The following NKAIN3 variants were observed in gnomAD, a reference collection of about 807,000 sequenced individuals.
The protein encoded by NKAIN3 is sodium/potassium transporting ATPase interacting 3, also known as sodium/potassium-transporting ATPase subunit beta-1-interacting protein 3.
NKAIN3 carries 25 observed loss-of-function variants against 30.2 expected under a neutral mutation model. That is an observed-to-expected ratio of 0.83 (90% confidence interval 0.60 to 1.16). The LOEUF is 1.16. NKAIN3 is among the 50% of genes most tolerant of loss of function. The probability of loss-of-function intolerance (pLI) is 0.00; values close to 1 mark genes in which losing one functional copy is unlikely to be tolerated. For missense variants in NKAIN3, 225 were observed against 254.1 expected, an observed-to-expected ratio of 0.89 and a Z score of 0.78; for synonymous variants, 91 against 89.6, an observed-to-expected ratio of 1.02 and a Z score of -0.09.
chr8:62,925,147 A>C (rs796804757), intron 5 of NKAIN3, among the ~76,000 whole-genome samples: 8 of 152,220 alleles, frequency 5.3e-5, no homozygotes, highest in African/African-American at 1.9e-4. Context: ...CTGAATCTGC[A>C]CTCAACTTAC....
intron 1 of NKAIN3, among the ~76,000 whole-genome samples, chr8:62,466,285 C>T (rs1329751043): frequency 1.3e-5 from 2 of 151,996 alleles, no homozygotes; most frequent in Admixed American, 6.6e-5. Flanking sequence ...TTTATATGAC[C>T]TATTACTAAT....
intron 1 of NKAIN3, chr8:62,483,510 C>T (rs928932915): frequency 6.0e-5 from 10 of 165,710 alleles, no homozygotes; most frequent in African/African-American, 2.4e-4. Context: ...GTGTGGTCAT[C>T]CCTGGTTGCT....
At chr8:62,855,153 G>A (rs576249191) in intron 4 of NKAIN3, 20 of 233,620 alleles carry the variant, frequency 8.6e-5, no homozygotes, top group African/African-American at 4.1e-4. Flanking sequence ...CACCTTCACC[G>A]TGGCAACAGA....
intron 4 of NKAIN3, among the ~76,000 whole-genome samples, chr8:62,781,433 AT>A (rs1276175936): frequency 2.0e-5 from 3 of 151,950 alleles, no homozygotes; most frequent in Admixed American, 1.3e-4. Context: ...AAATCTTAAA[AT>A]GTGTATGGAA....
Position 62,849,512 on chromosome 8 carries a change from A to G in NKAIN3, c.472-68941A>G, listed in dbSNP as rs1209094055. On this transcript the variant is annotated intron_variant, in intron 4 of 6. Transcript: ENST00000623646. ...TGTGCACAATGTGCAAGTTTGTTAC[A>G]TATGTATACATGTGCCATGTTGGTG... is the stretch of plus-strand genomic sequence containing the variant. 6.0e-5 allele frequency among the ~76,000 whole-genome samples: 9 copies of G among 151,194 alleles called. No individual in the cohort carries two copies. The East Asian group carries it at 1.8e-3, about 29-fold the overall frequency.
chr8:62,874,766 T>C (rs552453696), intron 4 of NKAIN3, among the ~76,000 whole-genome samples: 1 of 152,194 alleles, frequency 6.6e-6, no homozygotes, highest in African/African-American at 2.4e-5. Flanking sequence ...AAATTCAACA[T>C]CACTTCATGG....
At chr8:62,581,524 T>C (rs4268119) in intron 2 of NKAIN3, among the ~76,000 whole-genome samples, 79,902 of 152,042 alleles carry the variant, frequency 0.53, 21,603 homozygotes, top group Middle Eastern at 0.62. Flanking sequence ...TTGAGGCTTA[T>C]GCCTTCTCTC....
At chr8:62,395,439 T>C (rs1489786175) in intron 1 of NKAIN3, among the ~76,000 whole-genome samples, 1 of 152,174 alleles carries the variant, frequency 6.6e-6, no homozygotes, top group East Asian at 1.9e-4. Flanking sequence ...GCACTCTATT[T>C]GGTAATATCT....
At chr8:62,638,186 C>T (rs947811027) in intron 3 of NKAIN3, among the ~76,000 whole-genome samples, 1 of 152,116 alleles carries the variant, frequency 6.6e-6, no homozygotes, top group African/African-American at 2.4e-5. Flanking sequence ...TTTGCAAGCT[C>T]CTCAGGGAAA....
intron 1 of NKAIN3, among the ~76,000 whole-genome samples, chr8:62,527,882 G>GGGGTGTGTGT (rs1554543240): frequency 3.5e-5 from 5 of 143,690 alleles, no homozygotes; most frequent in Non-Finnish European, 4.6e-5. Flanking sequence ...ACTTTTTTTT[G>GGGGTGTGTGT]GTGTGTGTGT....
chr8:62,265,189 C>T (rs774019059), intron 1 of NKAIN3, among the ~76,000 whole-genome samples: 2 of 152,182 alleles, frequency 1.3e-5, no homozygotes, highest in Non-Finnish European at 2.9e-5. Flanking sequence ...ACTGCTACCT[C>T]GGGCTTGAGA....
At chr8:62,569,733 A>G (rs1473998113) in intron 1 of NKAIN3, among the ~76,000 whole-genome samples, 1 of 151,996 alleles carries the variant, frequency 6.6e-6, no homozygotes, top group Non-Finnish European at 1.5e-5. Flanking sequence ...TCAAGATTGC[A>G]ACACTGTACT....
At chr8:62,339,400 G>A (rs559634523) in intron 1 of NKAIN3, among the ~76,000 whole-genome samples, 2 of 152,010 alleles carry the variant, frequency 1.3e-5, no homozygotes, top group Non-Finnish European at 2.9e-5. Flanking sequence ...ACTGCTGCTT[G>A]GAGATTGAAC....
At chr8:62,378,620 A>G (rs1817173163) in intron 1 of NKAIN3, among the ~76,000 whole-genome samples, 1 of 152,156 alleles carries the variant, frequency 6.6e-6, no homozygotes, top group Admixed American at 6.5e-5. Context: ...AGCTCAGGCT[A>G]TTGCTTCAGG....
downstream of NKAIN3, among the ~76,000 whole-genome samples, chr8:62,985,534 C>A (rs910374658): frequency 3.3e-5 from 5 of 152,170 alleles, no homozygotes; most frequent in African/African-American, 1.2e-4. Context: ...TCCACCACAA[C>A]CCAGCCAGGG....
intron 1 of NKAIN3, among the ~76,000 whole-genome samples, chr8:62,321,126 A>G (rs1228018466): frequency 3.9e-5 from 6 of 152,198 alleles, no homozygotes; most frequent in African/African-American, 1.4e-4. Context: ...TGATCAAATC[A>G]GCTACTGAGG....
intron 1 of NKAIN3, among the ~76,000 whole-genome samples, chr8:62,315,466 G>A (rs1048405371): frequency 6.6e-6 from 1 of 152,174 alleles, no homozygotes; most frequent in African/African-American, 2.4e-5. Context: ...TTTCATAGAA[G>A]TTGATTTTGC....
intron 1 of NKAIN3, among the ~76,000 whole-genome samples, chr8:62,496,983 T>A (rs1158014170): frequency 6.6e-6 from 1 of 152,108 alleles, no homozygotes; most frequent in African/African-American, 2.4e-5. Flanking sequence ...TAGAGAATAA[T>A]GTCATTTATG....
intron 4 of NKAIN3, among the ~76,000 whole-genome samples, chr8:62,824,491 AAC>A (rs6150612): frequency 0.018 from 2,631 of 148,652 alleles, 63 homozygotes; most frequent in African/African-American, 0.045. Context: ...CCACCTCTTC[AAC>A]ACACACACAC....
Sources: allele counts gnomAD v4.1 joint callset (sites outside exome capture counted in the v4.1 genomes callset), GRCh38; gene constraint gnomAD v4.1.1; transcripts MANE v1.5; gene names NCBI Gene and HGNC (gene_info 2026-07-23, HGNC 2026-07-21).